Variants in MTDH observed in about 807,000 individuals in gnomAD.
The protein encoded by MTDH is metadherin.
In MTDH, 34 loss-of-function variants were observed where a neutral mutation model predicts 72.7. That is an observed-to-expected ratio of 0.47 (90% CI 0.36 to 0.62). MTDH has a LOEUF of 0.62. Among genes scored for constraint, MTDH ranks in the 20% least tolerant of loss-of-function variants. The probability of loss-of-function intolerance (pLI) is 0.00; values close to 1 mark genes in which losing one functional copy is unlikely to be tolerated. For missense variants in MTDH, 677 were observed against 699.4 expected, an observed-to-expected ratio of 0.97 and a Z score of 0.36; for synonymous variants, 266 against 268.9, an observed-to-expected ratio of 0.99 and a Z score of 0.10.
chr8:97,676,693 AC>A (rs1812859851), intron 2 of MTDH, among the ~76,000 whole-genome samples: 1 of 151,416 alleles, frequency 6.6e-6, no homozygotes, highest in Admixed American at 6.6e-5. Flanking sequence ...ACATGGTGAA[AC>A]CTTGTCTCTA....
chr8:97,672,701 A>G (rs1317369976), intron 2 of MTDH, among the ~76,000 whole-genome samples: 1 of 152,212 alleles, frequency 6.6e-6, no homozygotes, highest in African/African-American at 2.4e-5. Flanking sequence ...GTGAAATGGC[A>G]AATTTGGTTT....
At position 97,683,045 on chromosome 8, in the gene MTDH, C is replaced by CTTTTTTTTTTTTTTT. The variant is rs71271144; in HGVS notation, c.484-3600_484-3586dup. ...CTTTACCCTATGATGCTCTTAGACA[C>CTTTTTTTTTTTTTTT]TTTTTTTTTTTTTTTTTTTTTTTTT... On this transcript the variant is annotated intron_variant, in intron 2 of 11. Coordinates refer to ENST00000336273, the MANE Select transcript of MTDH (RefSeq NM_178812.4). Among the ~76,000 whole-genome samples the CTTTTTTTTTTTTTTT allele has an allele frequency of 2.7e-4, 12 of 44,386 alleles. 5 individuals carry two copies. Among genetic ancestry groups the CTTTTTTTTTTTTTTT allele is most frequent in the East Asian group, 1.0e-3 (1 of 1,000 alleles). The allele number at this position is 44,386 out of a possible 152,430, so 29.1% of individuals were successfully genotyped here.
chr8:97,712,616 C>T (rs72671544), intron 8 of MTDH, among the ~76,000 whole-genome samples: 3 of 152,122 alleles, frequency 2.0e-5, no homozygotes, highest in South Asian at 2.1e-4. Flanking sequence ...TATGTACAAT[C>T]GCTGGGTGTT....
intron 8 of MTDH, among the ~76,000 whole-genome samples, chr8:97,709,205 A>C (rs899160825): frequency 4.6e-5 from 7 of 152,062 alleles, no homozygotes; most frequent in Non-Finnish European, 7.4e-5. Flanking sequence ...AAAAAAAAAA[A>C]AAAACCACCA....
At position 97,695,537 on chromosome 8, in the gene MTDH, C is replaced by CT. The variant is rs576000036; in HGVS notation, c.1049-4213dup. ...GAGTTCCTGCCTAGATAGACTAGGA[C>CT]TTTTATGGAAAATGAAAGGGAACTA... On this transcript the variant is annotated intron_variant, in intron 6 of 11. Coordinates refer to ENST00000336273, the MANE Select transcript of MTDH (RefSeq NM_178812.4). Among the ~76,000 whole-genome samples the CT allele has an allele frequency of 2.6e-5, 4 of 152,192 alleles. No individual in the cohort carries two copies. In the South Asian group the frequency reaches 8.3e-4, roughly 32 times the overall value.
intron 1 of MTDH, among the ~76,000 whole-genome samples, chr8:97,659,471 G>T (rs549235639): frequency 6.6e-6 from 1 of 152,314 alleles, no homozygotes; most frequent in South Asian, 2.1e-4. Context: ...CCAGCTAAAA[G>T]ACAGCTTTTG....
chr8:97,697,825 A>T (rs1295675660), intron 6 of MTDH, among the ~76,000 whole-genome samples: 1 of 152,182 alleles, frequency 6.6e-6, no homozygotes, highest in Non-Finnish European at 1.5e-5. Flanking sequence ...TTCCAGAGGT[A>T]CAAGTTTATT....
chr8:97,650,356 C>T (rs2130911027), intron 1 of MTDH, among the ~76,000 whole-genome samples: 1 of 151,704 alleles, frequency 6.6e-6, no homozygotes, highest in South Asian at 2.1e-4. Context: ...CTCACTGCAA[C>T]CTCAACCTCC....
At chr8:97,663,086 A>G (rs982916008) in intron 2 of MTDH, among the ~76,000 whole-genome samples, 1 of 152,098 alleles carries the variant, frequency 6.6e-6, no homozygotes, top group African/African-American at 2.4e-5. Flanking sequence ...AGATTTACAC[A>G]TCTCTGACCT....
chr8:97,682,242 A>ATGTG (rs1813120781), intron 2 of MTDH, among the ~76,000 whole-genome samples: 2 of 2,392 alleles, frequency 8.4e-4, no homozygotes, highest in African/African-American at 3.6e-3. Flanking sequence ...ATATATATAT[A>ATGTG]TATATATATA....
intron 11 of MTDH, among the ~76,000 whole-genome samples, chr8:97,723,471 C>A (rs1354408465): frequency 6.6e-6 from 1 of 150,872 alleles, no homozygotes; most frequent in South Asian, 2.1e-4. Context: ...CTGCCGGGTG[C>A]GGTGGCTCAC....
chr8:97,675,568 A>AG (rs2130968276), intron 2 of MTDH, among the ~76,000 whole-genome samples: 1 of 149,528 alleles, frequency 6.7e-6, no homozygotes, highest in Non-Finnish European at 1.5e-5. Context: ...TCAAAAAAAA[A>AG]AAAAAAAAAA....
chr8:97,687,632 G>A (rs751541296), intron 4 of MTDH, 27 bp downstream of exon 4: 3 of 1,515,416 alleles, frequency 2.0e-6, no homozygotes, highest in South Asian at 2.6e-5. Context: ...TAAGACAGTG[G>A]TACATCAAAT....
intron 1 of MTDH, among the ~76,000 whole-genome samples, chr8:97,656,974 T>C (rs1451242517): frequency 6.7e-6 from 1 of 150,232 alleles, no homozygotes; most frequent in Non-Finnish European, 1.5e-5. Context: ...AGAGCAAGAC[T>C]GTGTCTCAAA....
rs75210999 is a variant in MTDH, at chr8:97,646,015, G to A, written c.381+1128G>A. 7.7e-3 allele frequency among the ~76,000 whole-genome samples: 1,170 copies of A among 152,268 alleles called. 15 individuals are homozygous for A. The highest frequency in any genetic ancestry group is 0.026 in the African/African-American group (1,094 of 41,540). ...AGAGTCAGTGTTGGAGAGTAGTGGA[G>A]ACAGATTCATAAATAATTAGAATTT... On this transcript the variant is annotated intron_variant, in intron 1 of 11. Coordinates refer to ENST00000336273, the MANE Select transcript of MTDH (RefSeq NM_178812.4).
chr8:97,720,585 A>T (rs112004777), intron 10 of MTDH, among the ~76,000 whole-genome samples: 6,010 of 137,918 alleles, frequency 0.044, 373 homozygotes, highest in African/African-American at 0.19. Context: ...AGAAGAATAT[A>T]TATATATTTA....
chr8:97,666,127 C>CA (rs1232775004), intron 2 of MTDH, among the ~76,000 whole-genome samples: 8,640 of 67,542 alleles, frequency 0.13, 727 homozygotes, highest in African/African-American at 0.3. Flanking sequence ...GACTCCGTCT[C>CA]AAAAAAAAAA....
intron 10 of MTDH, among the ~76,000 whole-genome samples, chr8:97,721,216 TAG>T (rs1455170974): frequency 6.6e-6 from 1 of 151,652 alleles, no homozygotes; most frequent in Non-Finnish European, 1.5e-5. Context: ...TTGAGATGGG[TAG>T]ATCACTTGAG....
chr8:97,644,362 C>T lies in MTDH; in HGVS notation c.-145C>T. On this transcript the variant is annotated 5_prime_UTR_variant, in exon 1 of 12. Coordinates refer to ENST00000336273, the MANE Select transcript of MTDH (RefSeq NM_178812.4). Reference sequence around the variant, plus strand: ...TCCGCCCTCCCCGCGGTGGCAGCGGCCGATCCCCGGCTCCGGCGCGAGGGA... The same window carrying T: ...TCCGCCCTCCCCGCGGTGGCAGCGGTCGATCCCCGGCTCCGGCGCGAGGGA... 8 of 1,155,996 alleles carry T rather than the reference C, an allele frequency of 6.9e-6. No individual in the cohort carries two copies. In the South Asian group the frequency reaches 1.2e-4, roughly 17 times the overall value. The allele number at this position is 1,155,996 out of a possible 1,614,324, so 71.6% of individuals were successfully genotyped here. A position where few individuals can be genotyped will look rare whatever the true frequency, so the allele number is the denominator to read the frequency against.
Sources: gnomAD v4.1 joint callset for allele counts (sites outside exome capture counted in the v4.1 genomes callset) on GRCh38, gnomAD v4.1.1 for gene constraint, MANE v1.5 for transcripts, NCBI Gene and HGNC (gene_info 2026-07-23, HGNC 2026-07-21) for gene names.